MAP3K13: variants seen among roughly 807,000 people sequenced by gnomAD.
The protein encoded by MAP3K13 is mitogen-activated protein kinase kinase kinase 13.
A neutral mutation model predicts 104.0 loss-of-function variants in MAP3K13; 52 were observed. That is an observed-to-expected ratio of 0.50 (90% CI 0.40 to 0.63). The LOEUF is 0.63. Ranked by LOEUF, MAP3K13 falls within the 20% of genes least tolerant of loss-of-function variation. MAP3K13 has a pLI of 0.00. For synonymous variants in MAP3K13, 394 were observed against 442.2 expected (o/e 0.89, Z 1.37); for missense variants, 914 against 1,218.5 (o/e 0.75, Z 3.72).
chr3:185,428,781 C>A lies in MAP3K13; in HGVS notation c.200C>A (p.Thr67Lys). The change falls in exon 2 of 14, where the codon ACA (threonine) becomes AAA (lysine). Residue 67 changes from threonine to lysine, a missense_variant. This residue lies in a region of MAP3K13 where 156 missense variants were observed against 159.8 expected (regional missense o/e 0.98). Coordinates refer to ENST00000265026, the MANE Select transcript of MAP3K13 (RefSeq NM_004721.5). ...AGCGTGCACAGCCCCGTCACCACAACAGTGTTGACGAGCGTAAGTGAGGAT... is the reference window on the plus strand; with the variant it reads ...AGCGTGCACAGCCCCGTCACCACAAAAGTGTTGACGAGCGTAAGTGAGGAT... ...IESVHSPVTT[T>K]VLTSVSEDSR... 8.1e-6 allele frequency: 13 copies of A among 1,614,148 alleles called. No homozygotes were observed. The highest frequency in any genetic ancestry group is 1.1e-5 in the Non-Finnish European group (13 of 1,180,016).
At chr3:185,309,014 C>T (rs374493721) in intron 2 of MAP3K13, among the ~76,000 whole-genome samples, 1 of 151,902 alleles carries the variant, frequency 6.6e-6, no homozygotes, top group African/African-American at 2.4e-5. Context: ...CCTATTCCAC[C>T]GTGTTTTCTC....
intron 1 of MAP3K13, among the ~76,000 whole-genome samples, chr3:185,401,404 G>T (rs1326284724): frequency 1.3e-5 from 2 of 152,154 alleles, no homozygotes; most frequent in African/African-American, 2.4e-5. Context: ...GCTGGGACAG[G>T]TCCCCTCCCT....
intron 2 of MAP3K13, among the ~76,000 whole-genome samples, chr3:185,304,017 C>T: frequency 1.3e-5 from 2 of 152,148 alleles, no homozygotes; most frequent in Non-Finnish European, 2.9e-5. Context: ...GTATGTTGTG[C>T]TTTTGTTTTC....
chr3:185,463,677 TCCC>T lies in MAP3K13; in HGVS notation c.1388+20_1388+22del. The T allele has an allele frequency of 2.7e-6, 4 of 1,455,660 alleles. No homozygotes were observed. Among genetic ancestry groups the T allele is most frequent in the Non-Finnish European group, 3.9e-6 (4 of 1,038,684 alleles). The allele number at this position is 1,455,660 out of a possible 1,614,324, so 90.2% of individuals were successfully genotyped here. A position where few individuals can be genotyped will look rare whatever the true frequency, so the allele number is the denominator to read the frequency against. ...GAGCTCAGGTCAGCTCATCCCTCCT[TCCC>T]CACCTCCCTTCATCCCCAGGTCTTC... On this transcript the variant is annotated intron_variant, in intron 8 of 13. Transcript: ENST00000265026.
chr3:185,430,414 A>G (rs2148884604), intron 2 of MAP3K13, among the ~76,000 whole-genome samples: 1 of 152,232 alleles, frequency 6.6e-6, no homozygotes, highest in Non-Finnish European at 1.5e-5. Context: ...ATCACTCAGT[A>G]TCCAATAGTT....
At chr3:185,299,271 G>T (rs1356614529) in intron 2 of MAP3K13, among the ~76,000 whole-genome samples, 9 of 152,238 alleles carry the variant, frequency 5.9e-5, no homozygotes, top group Non-Finnish European at 1.3e-4. Context: ...ATAGGAGGAA[G>T]AGAAGGCACC....
intron 1 of MAP3K13, among the ~76,000 whole-genome samples, chr3:185,404,824 G>A (rs7433090): frequency 2.6e-5 from 4 of 152,090 alleles, no homozygotes; most frequent in East Asian, 1.9e-4. Flanking sequence ...TGATCCGCCC[G>A]CCTCGCCTCG....
chr3:185,481,193 C>T (rs1718429877), intron 13 of MAP3K13: 1 of 152,946 alleles, frequency 6.5e-6, no homozygotes, highest in African/African-American at 2.4e-5. Context: ...AGGTCTGAGC[C>T]CAGGTCAGGT....
chr3:185,414,448 C>G (rs528017085), intron 1 of MAP3K13, among the ~76,000 whole-genome samples: 1 of 152,160 alleles, frequency 6.6e-6, no homozygotes, highest in Non-Finnish European at 1.5e-5. Flanking sequence ...ACTTATGAGA[C>G]TTAGTTGTTT....
intron 2 of MAP3K13, among the ~76,000 whole-genome samples, 184 bp from the exon 3 acceptor site, chr3:185,437,263 A>G (rs1011718545): frequency 6.6e-6 from 1 of 152,128 alleles, no homozygotes; most frequent in Admixed American, 6.5e-5. Flanking sequence ...AAAAATTGAT[A>G]CAAACTAATG....
intron 7 of MAP3K13, among the ~76,000 whole-genome samples, chr3:185,455,244 A>G (rs796304862): frequency 1.1e-4 from 2 of 17,598 alleles, no homozygotes; most frequent in East Asian, 4.7e-3. Context: ...AGATATATAT[A>G]TGATATATAT....
chr3:185,361,191 T>TATATAC (rs1560065097), upstream of MAP3K13, among the ~76,000 whole-genome samples: 1 of 149,082 alleles, frequency 6.7e-6, no homozygotes, highest in African/African-American at 2.4e-5. Flanking sequence ...TATATATATA[T>TATATAC]ACACACACAC....
At chr3:185,332,226 T>TCC (rs10545329) in intron 2 of MAP3K13, among the ~76,000 whole-genome samples, 46 of 151,306 alleles carry the variant, frequency 3.0e-4, no homozygotes, top group Non-Finnish European at 5.2e-4. Context: ...CAATGTGTAC[T>TCC]CCCCCCCCCC....
chr3:185,393,130 G>A (rs1712168299), intron 1 of MAP3K13, among the ~76,000 whole-genome samples: 1 of 151,950 alleles, frequency 6.6e-6, no homozygotes. Context: ...ATTGGGGTGG[G>A]GAGAAGTATG....
At chr3:185,454,617 T>TATAG (rs1427418757) in intron 7 of MAP3K13, among the ~76,000 whole-genome samples, 41 of 53,480 alleles carry the variant, frequency 7.7e-4, no homozygotes, top group African/African-American at 1.8e-3. Flanking sequence ...ATATATGATA[T>TATAG]ATATATGAGA....
At chr3:185,416,909 C>T (rs1015521037) in intron 1 of MAP3K13, among the ~76,000 whole-genome samples, 6 of 152,030 alleles carry the variant, frequency 3.9e-5, no homozygotes, top group African/African-American at 1.4e-4. Context: ...AGGCATGAGC[C>T]ACCTTGCCCA....
chr3:185,326,828 T>G (rs1299106510), intron 2 of MAP3K13, among the ~76,000 whole-genome samples: 2 of 152,204 alleles, frequency 1.3e-5, no homozygotes, highest in Non-Finnish European at 1.5e-5. Context: ...GAAATAATCT[T>G]GATTTGCATT....
chr3:185,333,428 A>G (rs1280975679), intron 2 of MAP3K13, among the ~76,000 whole-genome samples: 1 of 152,264 alleles, frequency 6.6e-6, no homozygotes, highest in Non-Finnish European at 1.5e-5. Flanking sequence ...CCTAAAGTGC[A>G]GAAAAGAAAT....
chr3:185,446,128 T>C (rs1715578470), intron 4 of MAP3K13, among the ~76,000 whole-genome samples: 1 of 152,130 alleles, frequency 6.6e-6, no homozygotes, highest in East Asian at 1.9e-4. Context: ...GCCATTGGTG[T>C]TGGGGTTGTG....
Sources: gnomAD v4.1 joint callset for allele counts (sites outside exome capture counted in the v4.1 genomes callset) on GRCh38, gnomAD v4.1.1 for gene constraint, gnomAD v4.1.1 regional missense constraint, MANE v1.5 for transcripts, NCBI Gene and HGNC (gene_info 2026-07-23, HGNC 2026-07-21) for gene names.